The following SPATA31E1 variants were observed in gnomAD, a reference collection of about 807,000 sequenced individuals.
SPATA31E1 encodes spermatogenesis-associated protein 31E1.
In SPATA31E1, 7 loss-of-function variants were observed where a neutral mutation model predicts 12.9. That is an observed-to-expected ratio of 0.54 (90% CI 0.31 to 1.02). The LOEUF (loss-of-function observed/expected upper bound fraction) is 1.02, where lower values mean the gene tolerates loss of function less well. Among genes scored for constraint, SPATA31E1 ranks in the 50% least tolerant of loss-of-function variants. The pLI, the probability that SPATA31E1 is intolerant of heterozygous loss-of-function variation, is 0.05. For missense variants in SPATA31E1, 1,961 were observed against 1,799.8 expected, an observed-to-expected ratio of 1.09 and a Z score of -1.62; for synonymous variants, 771 against 719.0, an observed-to-expected ratio of 1.07 and a Z score of -1.16.
Position 87,886,323 on chromosome 9 carries a change from C to T in SPATA31E1, c.1836C>T (p.Ala612=). The change falls in exon 4 of 4, where the codon GCC becomes GCT. Residue 612 remains alanine (A), a synonymous_variant. Transcript: ENST00000325643. ...ERPASWSPKS[A]PILPGVVTSP... ...CGGCCTCCTGGAGCCCCAAGTCAGC[C>T]CCCATCCTTCCCGGGGTTGTCACCA... The T allele has an allele frequency of 6.2e-7, 1 of 1,613,586 alleles. No individual in the cohort carries two copies. Among genetic ancestry groups the T allele is most frequent in the Non-Finnish European group, 8.5e-7 (1 of 1,179,968 alleles).
rs760322633 is a variant in SPATA31E1, at chr9:87,885,427, A to G, written c.940A>G (p.Thr314Ala). ...WDLYCWREAA[T>A]TWGLSTYSHG... ...CCTCTATTGCTGGAGGGAGGCTGCC[A>G]CCACCTGGGGCCTCTCCACCTACTC... Residue 314 changes from threonine (T) to alanine (A), a missense_variant, in exon 4 of 4, where the codon ACC becomes GCC. Transcript: ENST00000325643. The G allele has an allele frequency of 6.2e-7, 1 of 1,613,892 alleles. No homozygotes were observed. Among genetic ancestry groups the G allele is most frequent in the South Asian group, 1.1e-5 (1 of 91,060 alleles).
chr9:87,884,476 G>A, intron 2 of SPATA31E1, 115 bp from the exon 3 acceptor site: 1 of 1,063,190 alleles, frequency 9.4e-7, no homozygotes, highest in South Asian at 1.3e-5. Flanking sequence ...GGACACAGAT[G>A]CGAGGGCTTC....
At position 87,885,540 on chromosome 9, in the gene SPATA31E1, A is replaced by G. The variant is rs1486486102; in HGVS notation, c.1053A>G (p.Val351=). The G allele has an allele frequency of 1.2e-6, 2 of 1,614,196 alleles. No individual in the cohort carries two copies. The highest frequency in any genetic ancestry group is 1.3e-5 in the African/African-American group (1 of 75,056). The change falls in exon 4 of 4, where the codon GTA becomes GTG. Residue 351 remains valine, a synonymous_variant. Transcript: ENST00000325643. ...WGDPTPKHME[V]GGCTFIHPDV... The stretch of plus-strand genomic sequence containing the variant: ...ACCCCACACCCAAGCACATGGAGGT[A>G]GGTGGCTGCACATTCATCCACCCTG...
Position 87,885,659 on chromosome 9 carries a change from TGACATCACTGGGGAAGGAGTGG to T in SPATA31E1, c.1181_1202del (p.Leu394ArgfsTer3). On this transcript the variant is annotated frameshift_variant, in exon 4 of 4. Coordinates refer to ENST00000325643, the MANE Select transcript of SPATA31E1 (RefSeq NM_178828.5). LOFTEE classifies it low-confidence loss of function (END_TRUNC). ...AGAAAACGGGCCGACCACCCGCACATGACATCACTGGGGAAGGAGTGGGACATCACGACCCTAAATCCCTTCT... is the reference window on the plus strand; with the variant it reads ...AGAAAACGGGCCGACCACCCGCACATGACATCACGACCCTAAATCCCTTCT... 1 of 1,613,798 alleles carries T rather than the reference TGACATCACTGGGGAAGGAGTGG, an allele frequency of 6.2e-7. No homozygotes were observed. The highest frequency in any genetic ancestry group is 8.5e-7 in the Non-Finnish European group (1 of 1,180,020).
In SPATA31E1 at chr9:87,886,728, A is replaced by G. The variant is rs1317807818; in HGVS notation, c.2241A>G (p.Gln747=). 1.9e-6 allele frequency: 3 copies of G among 1,613,870 alleles called. No individual in the cohort carries two copies. The highest frequency in any genetic ancestry group is 2.2e-5 in the East Asian group (1 of 44,888). The stretch of plus-strand genomic sequence containing the variant: ...ACTTACGGAGGTCCTGGAAGTACCA[A>G]TCAGTAAGTTCCACACCCAGGGACC... ...EGDLRRSWKY[Q]SVSSTPRDPD... is the part of the protein sequence containing the mutation. Residue 747 remains glutamine (Q), a synonymous_variant, in exon 4 of 4, where the codon CAA becomes CAG. Coordinates refer to ENST00000325643, the MANE Select transcript of SPATA31E1 (RefSeq NM_178828.5).
Position 87,886,520 on chromosome 9 carries a change from C to G in SPATA31E1, c.2033C>G (p.Ser678Cys). Residue 678 changes from serine to cysteine, a missense_variant, in exon 4 of 4, where the codon TCC (serine) becomes TGC (cysteine). By Grantham distance (112) the Ser-to-Cys change is moderately radical (BLOSUM62 -1). Transcript: ENST00000325643. ...GACACGCAGCAGGCCCTCTTGCCCTCCCAGCCTTCTGACTTTGCAGGGAAG... is the reference window on the plus strand; with the variant it reads ...GACACGCAGCAGGCCCTCTTGCCCTGCCAGCCTTCTGACTTTGCAGGGAAG... ...AEDTQQALLPSQPSDFAGKGR... is the reference protein window; with the variant it reads ...AEDTQQALLPCQPSDFAGKGR... 1 of 1,613,970 alleles carries G rather than the reference C, an allele frequency of 6.2e-7. No homozygotes were observed. Among genetic ancestry groups the G allele is most frequent in the Non-Finnish European group, 8.5e-7 (1 of 1,179,978 alleles).
Position 87,887,454 on chromosome 9 carries a change from T to C in SPATA31E1, c.2967T>C (p.Ser989=). The C allele has an allele frequency of 4.3e-6, 7 of 1,612,768 alleles. No homozygotes were observed. The highest frequency in any genetic ancestry group is 5.1e-6 in the Non-Finnish European group (6 of 1,179,824). Residue 989 remains serine, a synonymous_variant, in exon 4 of 4, where the codon AGT becomes AGC. Coordinates refer to ENST00000325643, the MANE Select transcript of SPATA31E1 (RefSeq NM_178828.5). ...AACCCAAACCCAGACTAGAGGGGAG[T>C]ATGGGTTCAGAAATGGCTGGGAACG... The part of the protein sequence containing the change: ...SGKPKPRLEG[S]MGSEMAGNEA...
chr9:87,888,800 C>G lies in SPATA31E1; in HGVS notation c.4313C>G (p.Ser1438Cys). ...GPHPQLQELMSAQRCLAS is the reference protein window; with the variant it reads ...GPHPQLQELMCAQRCLAS Reference sequence around the variant, plus strand: ...CATCCACAGCTGCAGGAACTGATGTCTGCACAGAGGTGTCTTGCCTCCTGA... The same window carrying G: ...CATCCACAGCTGCAGGAACTGATGTGTGCACAGAGGTGTCTTGCCTCCTGA... The change falls in exon 4 of 4, where the codon TCT (serine) becomes TGT (cysteine). Residue 1438 changes from serine (S) to cysteine (C), a missense_variant. Coordinates refer to ENST00000325643, the MANE Select transcript of SPATA31E1 (RefSeq NM_178828.5). 6.2e-7 allele frequency: 1 copy of G among 1,610,390 alleles called. No homozygotes were observed. Among genetic ancestry groups the G allele is most frequent in the South Asian group, 1.1e-5 (1 of 90,918 alleles).
In SPATA31E1 at chr9:87,886,092, G is replaced by C. The variant is rs1564128587; in HGVS notation, c.1605G>C (p.Gly535=). 6.2e-7 allele frequency: 1 copy of C among 1,607,822 alleles called. No individual in the cohort carries two copies. The highest frequency in any genetic ancestry group is 8.5e-7 in the Non-Finnish European group (1 of 1,176,284). Reference sequence around the variant, plus strand: ...TCTCACCCCCTGTCCCAAGCCTGGGGTGCTCTTCTCCACCCCAGATTAGGG... The same window carrying C: ...TCTCACCCCCTGTCCCAAGCCTGGGCTGCTCTTCTCCACCCCAGATTAGGG... The part of the protein sequence containing the change: ...AHLSPPVPSL[G]CSSPPQIRGC... The change falls in exon 4 of 4, where the codon GGG becomes GGC. Residue 535 remains glycine, a synonymous_variant. Transcript: ENST00000325643.
Position 87,887,355 on chromosome 9 carries a change from G to A in SPATA31E1, c.2868G>A (p.Arg956=). The change falls in exon 4 of 4, where the codon AGG becomes AGA. Residue 956 remains arginine, a synonymous_variant. Transcript: ENST00000325643. ...SEAFPTGHKG[R]GCSQPPTCSL... is the part of the protein sequence containing the mutation. ...CCTTTCCGACTGGACACAAGGGCAG[G>A]GGGTGTTCTCAGCCCCCAACATGCA... 6.2e-7 allele frequency: 1 copy of A among 1,613,830 alleles called. No individual in the cohort carries two copies. Among genetic ancestry groups the A allele is most frequent in the South Asian group, 1.1e-5 (1 of 91,080 alleles).
Position 87,886,446 on chromosome 9 carries a change from G to A in SPATA31E1, c.1959G>A (p.Leu653=). 1 of 1,613,942 alleles carries A rather than the reference G, an allele frequency of 6.2e-7. No homozygotes were observed. The highest frequency in any genetic ancestry group is 8.5e-7 in the Non-Finnish European group (1 of 1,179,976). The change falls in exon 4 of 4, where the codon CTG becomes CTA. Residue 653 remains leucine (L), a synonymous_variant. Coordinates refer to ENST00000325643, the MANE Select transcript of SPATA31E1 (RefSeq NM_178828.5). ...GCAGATTGCAGGCATCTGGGGACCT[G>A]CTACAGCCTGATGGGGAATTCCCAG... ...PPSRLQASGD[L]LQPDGEFPGR...
Position 87,887,099 on chromosome 9 carries a change from C to T in SPATA31E1, c.2612C>T (p.Pro871Leu). The change falls in exon 4 of 4, where the codon CCA (proline) becomes CTA (leucine). Residue 871 changes from proline (P) to leucine (L), a missense_variant. By Grantham distance (98) the Pro-to-Leu change is moderately conservative. Transcript: ENST00000325643. ...WSGEAQAPPFPQSTFTPWASW... is the reference protein window; with the variant it reads ...WSGEAQAPPFLQSTFTPWASW... ...GGTGAGGCTCAGGCCCCGCCCTTCC[C>T]ACAATCCACCTTTACCCCCTGGGCC... The T allele has an allele frequency of 2.5e-6, 4 of 1,614,134 alleles. No homozygotes were observed. Among genetic ancestry groups the T allele is most frequent in the Non-Finnish European group, 3.4e-6 (4 of 1,180,024 alleles).
intron 2 of SPATA31E1, among the ~76,000 whole-genome samples, 179 bp downstream of exon 2, chr9:87,884,225 G>C (rs532245441): frequency 2.0e-5 from 3 of 152,234 alleles, no homozygotes; most frequent in East Asian, 1.9e-4. Flanking sequence ...GCCCATAAGG[G>C]GGCGGTGTGG....
At position 87,888,612 on chromosome 9, in the gene SPATA31E1, G is replaced by A. The variant is rs762131759; in HGVS notation, c.4125G>A (p.Leu1375=). 6.2e-7 allele frequency: 1 copy of A among 1,614,078 alleles called. No individual in the cohort carries two copies. ...HQERSREMRA[L]ACSPKATPKG... The stretch of plus-strand genomic sequence containing the variant: ...AACGTAGCAGAGAGATGAGAGCTCT[G>A]GCCTGCAGCCCTAAAGCCACCCCCA... Residue 1375 remains leucine (L), a synonymous_variant, in exon 4 of 4, where the codon CTG becomes CTA. Coordinates refer to ENST00000325643, the MANE Select transcript of SPATA31E1 (RefSeq NM_178828.5).
At position 87,886,301 on chromosome 9, in the gene SPATA31E1, C is replaced by A; in HGVS notation, c.1814C>A (p.Ala605Asp). 1 of 1,613,720 alleles carries A rather than the reference C, an allele frequency of 6.2e-7. No individual in the cohort carries two copies. Among genetic ancestry groups the A allele is most frequent in the Non-Finnish European group, 8.5e-7 (1 of 1,180,026 alleles). ...PTAHLPQERP[A>D]SWSPKSAPIL... ...GCCCACCTTCCCCAAGAGAGGCCGG[C>A]CTCCTGGAGCCCCAAGTCAGCCCCC... is the stretch of plus-strand genomic sequence containing the variant. Residue 605 changes from alanine to aspartate, a missense_variant, in exon 4 of 4, where the codon GCC (alanine) becomes GAC (aspartate). Ala to Asp is a moderately radical substitution (Grantham distance 126). Coordinates refer to ENST00000325643, the MANE Select transcript of SPATA31E1 (RefSeq NM_178828.5).
chr9:87,887,152 C>T lies in SPATA31E1; in HGVS notation c.2665C>T (p.Pro889Ser), dbSNP rs1322052319. 1 of 1,614,074 alleles carries T rather than the reference C, an allele frequency of 6.2e-7. No individual in the cohort carries two copies. The highest frequency in any genetic ancestry group is 1.3e-5 in the African/African-American group (1 of 75,034). The part of the protein sequence containing the change: ...ASWVSRVESV[P>S]KVPIFLGKRP... ...CTGGGTATCTCGGGTTGAATCTGTA[C>T]CCAAGGTTCCCATTTTCCTGGGAAA... The change falls in exon 4 of 4, where the codon CCC becomes TCC. Residue 889 changes from proline to serine, a missense_variant. By Grantham distance (74) the Pro-to-Ser change is moderately conservative. Transcript: ENST00000325643.
chr9:87,886,185 T>C lies in SPATA31E1; in HGVS notation c.1698T>C (p.Tyr566=), dbSNP rs1472424419. Reference sequence around the variant, plus strand: ...CTGTCATCCCCACTGGAAAGGAGTATCTTGAATGGCCCTTGAAGAAGCGAC... The same window carrying C: ...CTGTCATCCCCACTGGAAAGGAGTACCTTGAATGGCCCTTGAAGAAGCGAC... ...TQSVIPTGKE[Y]LEWPLKKRPK... Residue 566 remains tyrosine, a synonymous_variant, in exon 4 of 4, where the codon TAT becomes TAC. Coordinates refer to ENST00000325643, the MANE Select transcript of SPATA31E1 (RefSeq NM_178828.5). 10 of 1,610,974 alleles carry C rather than the reference T, an allele frequency of 6.2e-6. No individual in the cohort carries two copies. Among genetic ancestry groups the C allele is most frequent in the Non-Finnish European group, 7.6e-6 (9 of 1,178,184 alleles).
chr9:87,888,537 C>A lies in SPATA31E1; in HGVS notation c.4050C>A (p.Arg1350=). ...SEVNRHKGDF[R]AQENVPSCCH... The stretch of plus-strand genomic sequence containing the variant: ...TCAATCGCCACAAAGGTGACTTCCG[C>A]GCCCAGGAGAATGTGCCTTCCTGCT... The change falls in exon 4 of 4, where the codon CGC becomes CGA. Residue 1350 remains arginine, a synonymous_variant. Coordinates refer to ENST00000325643, the MANE Select transcript of SPATA31E1 (RefSeq NM_178828.5). 1 of 1,614,164 alleles carries A rather than the reference C, an allele frequency of 6.2e-7. No individual in the cohort carries two copies. The highest frequency in any genetic ancestry group is 2.2e-5 in the East Asian group (1 of 44,874).
At position 87,884,995 on chromosome 9, in the gene SPATA31E1, CCTG is replaced by C. The variant is rs1286390276; in HGVS notation, c.511_513del (p.Ala171del). 3 of 1,614,144 alleles carry C rather than the reference CCTG, an allele frequency of 1.9e-6. No homozygotes were observed. Among genetic ancestry groups the C allele is most frequent in the Non-Finnish European group, 2.5e-6 (3 of 1,180,008 alleles). ...CCTGGGGGACGTGTGTAAACCAGTGCCTGCTAAGGCCCACCAGCCGCATGGGAA... is the reference window on the plus strand; with the variant it reads ...CCTGGGGGACGTGTGTAAACCAGTGCCTAAGGCCCACCAGCCGCATGGGAA... On this transcript the variant is annotated inframe_deletion, in exon 4 of 4. Coordinates refer to ENST00000325643, the MANE Select transcript of SPATA31E1 (RefSeq NM_178828.5).
Sources: allele counts gnomAD v4.1 joint callset (sites outside exome capture counted in the v4.1 genomes callset), GRCh38; gene constraint gnomAD v4.1.1; transcripts MANE v1.5; gene names NCBI Gene and HGNC (gene_info 2026-07-23, HGNC 2026-07-21).